Variants in RNF14 observed in about 807,000 individuals in gnomAD.
The protein encoded by RNF14 is E3 ubiquitin-protein ligase RNF14.
RNF14 carries 26 observed loss-of-function variants against 52.6 expected under a neutral mutation model. The observed-to-expected ratio is 0.49, with a 90% confidence interval of 0.36 to 0.69. RNF14 has a LOEUF of 0.69. Ranked by LOEUF, RNF14 falls within the 30% of genes least tolerant of loss-of-function variation. The pLI is 0.00. For missense variants in RNF14, 404 were observed against 560.4 expected, an observed-to-expected ratio of 0.72 and a Z score of 2.82; for synonymous variants, 194 against 202.0, an observed-to-expected ratio of 0.96 and a Z score of 0.34.
upstream of RNF14, among the ~76,000 whole-genome samples, chr5:141,965,426 G>A (rs564719792): frequency 2.7e-4 from 41 of 152,312 alleles, no homozygotes; most frequent in Non-Finnish European, 5.0e-4. Context: ...TGTCCCTGGG[G>A]ACAGGGGGTG....
chr5:141,956,652 G>T, upstream of RNF14: 1 of 1,614,238 alleles, frequency 6.2e-7, no homozygotes, highest in Non-Finnish European at 8.5e-7. Context: ...TTTTCAGCCT[G>T]AAGTGGCCCA....
the RNF14 span, chr5:141,951,523 T>C: frequency 1.2e-6 from 2 of 1,614,190 alleles, no homozygotes; most frequent in Non-Finnish European, 1.7e-6. Flanking sequence ...CAAGTACTTA[T>C]TTCCTCGGTG....
chr5:141,964,047 C>T (rs569642808), upstream of RNF14, among the ~76,000 whole-genome samples: 5 of 152,204 alleles, frequency 3.3e-5, no homozygotes, highest in East Asian at 3.9e-4. Context: ...TGCCAGGTTG[C>T]GAGTATAAAC....
intron 1 of RNF14, 175 bp downstream of exon 1, chr5:141,969,342 G>A (rs1395722436): frequency 1.3e-5 from 2 of 152,624 alleles, no homozygotes; most frequent in African/African-American, 4.8e-5. Context: ...TCCGCAGCTC[G>A]GCTGGCCGGG....
Position 141,978,461 on chromosome 5 carries a change from GAGA to G in RNF14, c.468_470del (p.Arg157del). On this transcript the variant is annotated inframe_deletion, in exon 5 of 9. Transcript: ENST00000394520. ...AGATTGGTTCTCAGAAAAAAGTGCA[GAGA>G]AGGACAGCTCAAGCTTCTCCCAACA... The G allele has an allele frequency of 6.2e-7, 1 of 1,614,172 alleles. No homozygotes were observed. Among genetic ancestry groups the G allele is most frequent in the Non-Finnish European group, 8.5e-7 (1 of 1,180,034 alleles).
rs376841429 is a variant in RNF14, at chr5:141,987,849, A to G, written c.*59A>G. 407 of 1,495,462 alleles carry G rather than the reference A, an allele frequency of 2.7e-4. 1 individual carries two copies. The African/African-American group carries it at 5.3e-3, about 19-fold the overall frequency. The allele number at this position is 1,495,462 out of a possible 1,614,324, so 92.6% of individuals were successfully genotyped here. On this transcript the variant is annotated 3_prime_UTR_variant, in exon 9 of 9. Coordinates refer to ENST00000394520, the MANE Select transcript of RNF14 (RefSeq NM_004290.5). ...TTTTCCCTAATCTTCCGTCAAGTAC[A>G]CAAAGTAACTTTGCGGGATATTTAG...
intron 8 of RNF14, among the ~76,000 whole-genome samples, chr5:141,985,139 A>C (rs1227502827): frequency 2.5e-5 from 1 of 40,732 alleles, no homozygotes; most frequent in Non-Finnish European, 4.4e-5. Flanking sequence ...TTTATAGTGA[A>C]AGTTTTCAAA....
At chr5:141,953,178 G>T in the RNF14 span, 4 of 152,230 alleles carry the variant, frequency 2.6e-5, no homozygotes, top group Admixed American at 2.6e-4. Flanking sequence ...ACTCGAATCA[G>T]TCAGACTCAG....
rs775390227 is a variant in RNF14 at position 141,987,785 on chromosome 5, G to C, written c.1420G>C (p.Asp474His). Residue 474 changes from aspartate to histidine, a missense_variant, in exon 9 of 9, where the codon GAC (aspartate) becomes CAC (histidine). Transcript: ENST00000394520. ...CGATATTTGGGAAGATGAGGTAGAAGACTAGTTAACTACTGCTCAAGATAT... is the reference window on the plus strand; with the variant it reads ...CGATATTTGGGAAGATGAGGTAGAACACTAGTTAACTACTGCTCAAGATAT... Reference protein sequence around the residue: ...DDDIWEDEVED With the variant: ...DDDIWEDEVEH The C allele has an allele frequency of 6.2e-7, 1 of 1,613,268 alleles. No homozygotes were observed. Among genetic ancestry groups the C allele is most frequent in the Non-Finnish European group, 8.5e-7 (1 of 1,179,860 alleles).
chr5:141,966,241 TG>T (rs1250195312), upstream of RNF14, among the ~76,000 whole-genome samples: 3 of 152,168 alleles, frequency 2.0e-5, no homozygotes, highest in African/African-American at 7.2e-5. Context: ...GAGCTGAGAT[TG>T]TGCCACTGCA....
In RNF14 at chr5:141,988,064, T is replaced by A. The variant is rs1755396725; in HGVS notation, c.*274T>A. 3 of 355,894 alleles carry A rather than the reference T, an allele frequency of 8.4e-6. No homozygotes were observed. Among genetic ancestry groups the A allele is most frequent in the Non-Finnish European group, 1.0e-5 (2 of 195,116 alleles). The allele number at this position is 355,894 out of a possible 1,614,324, so 22.0% of individuals were successfully genotyped here. A position where few individuals can be genotyped will look rare whatever the true frequency, so the allele number is the denominator to read the frequency against. ...ATAATGTGCCCAAAGCTCTGAATAGTTAAAAATTAAATATTTATTTTCTTC... is the reference window on the plus strand; with the variant it reads ...ATAATGTGCCCAAAGCTCTGAATAGATAAAAATTAAATATTTATTTTCTTC... On this transcript the variant is annotated 3_prime_UTR_variant, in exon 9 of 9. Coordinates refer to ENST00000394520, the MANE Select transcript of RNF14 (RefSeq NM_004290.5).
chr5:141,971,119 T>C (rs1753705803), intron 2 of RNF14, among the ~76,000 whole-genome samples: 2 of 152,384 alleles, frequency 1.3e-5, no homozygotes, highest in Admixed American at 6.5e-5. Context: ...TTCAATATTT[T>C]AATTGACTGG....
upstream of RNF14, among the ~76,000 whole-genome samples, chr5:141,954,000 T>C (rs983012302): frequency 6.6e-6 from 1 of 152,224 alleles, no homozygotes; most frequent in African/African-American, 2.4e-5. Flanking sequence ...GTTTCCCCAC[T>C]TGTGTCTAGA....
chr5:141,951,097 C>T, the RNF14 span, among the ~76,000 whole-genome samples: 2 of 152,192 alleles, frequency 1.3e-5, no homozygotes, highest in Non-Finnish European at 2.9e-5. Context: ...GACACGCCCA[C>T]ACAGCCATGT....
intron 1 of RNF14, among the ~76,000 whole-genome samples, chr5:141,961,540 C>T (rs770677659): frequency 6.6e-6 from 1 of 152,052 alleles, no homozygotes; most frequent in Non-Finnish European, 1.5e-5. Context: ...GCGACGTTTT[C>T]CTGAGTTTTG....
the RNF14 span, chr5:141,951,647 C>T: frequency 1.8e-5 from 23 of 1,254,162 alleles, no homozygotes; most frequent in African/African-American, 2.9e-5. Flanking sequence ...CACACTTCCT[C>T]GCCGGATGTT....
intron 4 of RNF14, among the ~76,000 whole-genome samples, chr5:141,977,672 G>C (rs555827969): frequency 2.2e-4 from 34 of 152,170 alleles, no homozygotes; most frequent in Non-Finnish European, 4.4e-4. Context: ...GTCAATATCA[G>C]GCAGCTTCCC....
At chr5:141,973,193 T>A (rs541441251) in intron 2 of RNF14, among the ~76,000 whole-genome samples, 1 of 152,284 alleles carries the variant, frequency 6.6e-6, no homozygotes, top group South Asian at 2.1e-4. Context: ...TTCTTTGCAG[T>A]TGTTTTTTGT....
At chr5:141,982,960 G>GA (rs140889436) in intron 6 of RNF14, among the ~76,000 whole-genome samples, 1 of 151,832 alleles carries the variant, frequency 6.6e-6, no homozygotes, top group Non-Finnish European at 1.5e-5. Flanking sequence ...AAAATCAAAG[G>GA]AAAAAAATAG....
Sources: gnomAD v4.1 joint callset for allele counts (sites outside exome capture counted in the v4.1 genomes callset) on GRCh38, gnomAD v4.1.1 for gene constraint, MANE v1.5 for transcripts, NCBI Gene and HGNC (gene_info 2026-07-23, HGNC 2026-07-21) for gene names.